SPAG16: variants seen among roughly 807,000 people sequenced by gnomAD.
SPAG16 encodes sperm associated antigen 16.
Under a neutral mutation model 80.4 loss-of-function variants are expected in SPAG16, and 86 were observed. That is an observed-to-expected ratio of 1.07 (90% CI 0.90 to 1.28). The LOEUF (loss-of-function observed/expected upper bound fraction) is 1.28, where lower values mean the gene tolerates loss of function less well. Ranked by LOEUF, SPAG16 falls within the 50% of genes most tolerant of loss-of-function variation. The pLI is 0.00. For missense variants in SPAG16, 870 were observed against 765.3 expected (o/e 1.14, Z -1.61); for synonymous variants, 294 against 265.9 (o/e 1.11, Z -1.03).
At chr2:213,927,295 A>G (rs1013285228) in intron 11 of SPAG16, among the ~76,000 whole-genome samples, 1 of 152,238 alleles carries the variant, frequency 6.6e-6, no homozygotes, top group Non-Finnish European at 1.5e-5. Flanking sequence ...CAGTCAGTCC[A>G]TAACATTCAC....
intron 3 of SPAG16, among the ~76,000 whole-genome samples, chr2:213,297,747 T>C (rs1353565528): frequency 2.0e-5 from 3 of 152,184 alleles, no homozygotes; most frequent in African/African-American, 7.2e-5. Flanking sequence ...CAGGGAATGC[T>C]TAATATGGCT....
chr2:214,151,218 ACT>A lies in SPAG16; in HGVS notation c.1720+1955_1720+1956del, dbSNP rs1424347879. On this transcript the variant is annotated intron_variant, in intron 15 of 15. Coordinates refer to ENST00000331683, the MANE Select transcript of SPAG16 (RefSeq NM_024532.5). ...TTCTGTACAAGACAAGTCCTCAATG[ACT>A]CTTCATTTAAAAGGTTGAATTATAT... Among the ~76,000 whole-genome samples the A allele has an allele frequency of 3.9e-5, 6 of 152,086 alleles. No homozygotes were observed. The East Asian group carries it at 1.2e-3, about 29-fold the overall frequency.
intron 10 of SPAG16, among the ~76,000 whole-genome samples, chr2:213,567,454 T>C (rs962324134): frequency 4.5e-5 from 5 of 112,156 alleles, no homozygotes; most frequent in African/African-American, 1.9e-4. Flanking sequence ...CATTGTTCAA[T>C]TCCCACCTAT....
chr2:213,923,193 G>A (rs1304916964), intron 11 of SPAG16, among the ~76,000 whole-genome samples: 1 of 139,666 alleles, frequency 7.2e-6, no homozygotes, highest in East Asian at 2.4e-4. Context: ...AGTGGCAGGG[G>A]TTGGTGGGGA....
chr2:213,647,999 G>C (rs1178452906), intron 10 of SPAG16, among the ~76,000 whole-genome samples: 2 of 152,124 alleles, frequency 1.3e-5, no homozygotes, highest in Non-Finnish European at 2.9e-5. Context: ...TCCCAGAAAT[G>C]TCTACTCTCT....
rs116647929 is a variant in SPAG16 at position 213,322,800 on chromosome 2, C to T, written c.536+5444C>T. Among the ~76,000 whole-genome samples the T allele has an allele frequency of 5.0e-3, 764 of 152,114 alleles. 2 individuals carry two copies. The highest frequency in any genetic ancestry group is 8.7e-3 in the Non-Finnish European group (588 of 67,976). On this transcript the variant is annotated intron_variant, in intron 5 of 15. Coordinates refer to ENST00000331683, the MANE Select transcript of SPAG16 (RefSeq NM_024532.5). ...TGGGGCAGGGAGCAGGGGAGCACATCAGAAACCTGAAGAGACTGAGGGAAA... is the reference window on the plus strand; with the variant it reads ...TGGGGCAGGGAGCAGGGGAGCACATTAGAAACCTGAAGAGACTGAGGGAAA...
chr2:214,315,545 A>C (rs1479063888), intron 15 of SPAG16, among the ~76,000 whole-genome samples: 1 of 135,798 alleles, frequency 7.4e-6, no homozygotes, highest in Non-Finnish European at 1.6e-5. Flanking sequence ...TTATTTATTT[A>C]TTTTGAAACA....
chr2:213,621,099 G>C (rs1439156193), intron 10 of SPAG16, among the ~76,000 whole-genome samples: 1 of 152,090 alleles, frequency 6.6e-6, no homozygotes, highest in African/African-American at 2.4e-5. Context: ...AGGAAAGCTA[G>C]TAAGATGCTT....
At chr2:213,702,411 T>A (rs982890661) in intron 10 of SPAG16, among the ~76,000 whole-genome samples, 6 of 152,216 alleles carry the variant, frequency 3.9e-5, no homozygotes, top group Non-Finnish European at 7.3e-5. Flanking sequence ...ATTTATGAGC[T>A]GTAACACTCA....
chr2:214,079,629 T>A (rs2051261971), intron 13 of SPAG16, among the ~76,000 whole-genome samples: 1 of 152,134 alleles, frequency 6.6e-6, no homozygotes, highest in South Asian at 2.1e-4. Context: ...TTAGGGCAAA[T>A]TGGAAAGCCA....
intron 11 of SPAG16, among the ~76,000 whole-genome samples, chr2:213,895,546 T>C (rs956245743): frequency 6.6e-6 from 1 of 152,132 alleles, no homozygotes; most frequent in Non-Finnish European, 1.5e-5. Context: ...CAAATTATTG[T>C]GGTAAAAATA....
rs186510345 is a variant in SPAG16, at chr2:213,670,903, C to G, written c.1070+180813C>G. Among the ~76,000 whole-genome samples, 157 of 152,316 alleles carry G rather than the reference C, an allele frequency of 1.0e-3. 1 individual carries two copies. Among genetic ancestry groups the G allele is most frequent in the African/African-American group, 3.5e-3 (147 of 41,578 alleles). Reference sequence around the variant, plus strand: ...AATTTCAAGGCAGAAGTATGTCACTCTCACACGATAAGCCAAAAGAGGTCA... The same window carrying G: ...AATTTCAAGGCAGAAGTATGTCACTGTCACACGATAAGCCAAAAGAGGTCA... On this transcript the variant is annotated intron_variant, in intron 10 of 15. Coordinates refer to ENST00000331683, the MANE Select transcript of SPAG16 (RefSeq NM_024532.5).
intron 13 of SPAG16, among the ~76,000 whole-genome samples, chr2:214,019,027 T>C (rs1206998093): frequency 6.6e-6 from 1 of 151,992 alleles, no homozygotes; most frequent in African/African-American, 2.4e-5. Context: ...TGGAAACTCA[T>C]GAAATTGCTC....
chr2:213,749,693 T>C (rs1187007099), intron 10 of SPAG16, among the ~76,000 whole-genome samples: 2 of 152,250 alleles, frequency 1.3e-5, no homozygotes, highest in African/African-American at 4.8e-5. Flanking sequence ...TTAGTGAAAA[T>C]ATCCTAGTTT....
intron 15 of SPAG16, among the ~76,000 whole-genome samples, chr2:214,236,167 C>G (rs572989218): frequency 6.6e-6 from 1 of 152,288 alleles, no homozygotes; most frequent in East Asian, 1.9e-4. Flanking sequence ...TAACTCAGAT[C>G]AATTAGTACT....
chr2:214,192,272 T>C (rs2057690066), intron 15 of SPAG16, among the ~76,000 whole-genome samples: 1 of 152,138 alleles, frequency 6.6e-6, no homozygotes, highest in African/African-American at 2.4e-5. Flanking sequence ...GTAGTCATTT[T>C]CTCCTTCACT....
intron 10 of SPAG16, among the ~76,000 whole-genome samples, chr2:213,820,342 A>ATTTTTTT (rs2072863336): frequency 1.3e-5 from 2 of 151,478 alleles, no homozygotes. Context: ...TTCTTTATTG[A>ATTTTTTT]TTTTTGGTAA....
At chr2:213,389,036 A>G (rs1226845673) in intron 9 of SPAG16, among the ~76,000 whole-genome samples, 1 of 152,210 alleles carries the variant, frequency 6.6e-6, no homozygotes, top group Non-Finnish European at 1.5e-5. Flanking sequence ...AGCTACAGTA[A>G]TCAAAACAGT....
intron 7 of SPAG16, among the ~76,000 whole-genome samples, chr2:213,363,368 T>C (rs190730718): frequency 1.3e-4 from 20 of 152,138 alleles, no homozygotes; most frequent in Non-Finnish European, 5.9e-5. Flanking sequence ...CATCTATAGG[T>C]TATAATTAAT....
Sources: allele counts gnomAD v4.1 joint callset (sites outside exome capture counted in the v4.1 genomes callset), GRCh38; gene constraint gnomAD v4.1.1; transcripts MANE v1.5; gene names NCBI Gene and HGNC (gene_info 2026-07-23, HGNC 2026-07-21).